ZNF12: variants seen among roughly 807,000 people sequenced by gnomAD.
The protein encoded by ZNF12 is gonadotropin inducible transcription repressor 3.
In ZNF12, 34 loss-of-function variants were observed where a neutral mutation model predicts 66.6. The observed-to-expected ratio is 0.51, with a 90% CI of 0.39 to 0.68. The LOEUF (loss-of-function observed/expected upper bound fraction) is 0.68. Ranked by LOEUF, ZNF12 falls within the 30% of genes least tolerant of loss-of-function variation. The pLI is 0.00. For synonymous variants in ZNF12, 320 were observed against 278.9 expected (o/e 1.15, Z -1.47); for missense variants, 697 against 826.9 (o/e 0.84, Z 1.93).
Position 6,697,468 on chromosome 7 carries a change from A to G in ZNF12, c.143-34T>C. The G allele has an allele frequency of 6.3e-7, 1 of 1,594,770 alleles. No individual in the cohort carries two copies. Among genetic ancestry groups the G allele is most frequent in the Non-Finnish European group, 8.6e-7 (1 of 1,168,244 alleles). Reference sequence around the variant, plus strand: ...GAGAAATGAAAGAGAACTTGAGCCCAGGCCGGTTGGCTTCAGGGTCTCTGT... The same window carrying G: ...GAGAAATGAAAGAGAACTTGAGCCCGGGCCGGTTGGCTTCAGGGTCTCTGT... On this transcript the variant is annotated intron_variant, in intron 3 of 4. Coordinates refer to ENST00000405858, the MANE Select transcript of ZNF12 (RefSeq NM_016265.4). This position sits in a 1 kb window ranked among gnomAD's most constrained non-coding sequence, Gnocchi z 6.1.
intron 2 of ZNF12, among the ~76,000 whole-genome samples, chr7:6,704,725 C>A (rs1039520688): frequency 2.8e-5 from 3 of 107,780 alleles, no homozygotes; most frequent in African/African-American, 1.2e-4. Context: ...GGTGACAGAG[C>A]GCAATACTTG....
chr7:6,703,817 C>T (rs964705179), intron 2 of ZNF12, among the ~76,000 whole-genome samples: 1 of 152,204 alleles, frequency 6.6e-6, no homozygotes, highest in Non-Finnish European at 1.5e-5. Flanking sequence ...AGAGAAAGGG[C>T]ACTCAAACTG....
At position 6,690,756 on chromosome 7, in the gene ZNF12, G is replaced by T; in HGVS notation, c.*92C>A. On this transcript the variant is annotated 3_prime_UTR_variant, in exon 5 of 5. Transcript: ENST00000405858. The stretch of plus-strand genomic sequence containing the variant: ...AGGGGATGTCCACACTAACCTGTGT[G>T]AACTCTCTGATGTACAAGGTGTTTG... 7.7e-7 allele frequency: 1 copy of T among 1,302,252 alleles called. No individual in the cohort carries two copies. The highest frequency in any genetic ancestry group is 1.6e-5 in the South Asian group (1 of 63,926). 80.7% of individuals were successfully genotyped at this position (1,302,252 alleles called of 1,614,324 possible).
chr7:6,700,233 C>T (rs1349500009), intron 2 of ZNF12, among the ~76,000 whole-genome samples: 9 of 149,538 alleles, frequency 6.0e-5, no homozygotes, highest in East Asian at 2.0e-4. Flanking sequence ...TGCAGTGAGC[C>T]GAGATCGAGC....
In ZNF12 at chr7:6,706,920, C is replaced by A; in HGVS notation, c.-539G>T. Reference sequence around the variant, plus strand: ...CCTGGGAACTAGGGCGAGCGGTGACCTGGGGACGCACAGGAAGCGAGGGCA... The same window carrying A: ...CCTGGGAACTAGGGCGAGCGGTGACATGGGGACGCACAGGAAGCGAGGGCA... On this transcript the variant is annotated 5_prime_UTR_variant, in exon 1 of 5. In the 5' UTR this introduces an upstream ATG that the reference lacks. Transcript: ENST00000405858. 2.4e-6 allele frequency: 1 copy of A among 413,524 alleles called. No homozygotes were observed. 25.6% of individuals were successfully genotyped at this position (413,524 alleles called of 1,614,324 possible).
rs1421218218 is a variant in ZNF12, at chr7:6,691,136, C to G, written c.1806G>C (p.Glu602Asp). The G allele has an allele frequency of 1.2e-5, 20 of 1,614,008 alleles. No homozygotes were observed. Among genetic ancestry groups the G allele is most frequent in the Non-Finnish European group, 1.7e-5 (20 of 1,180,000 alleles). ...LNRHQRTHTG[E>D]KAYECYECGK... ...CACATTCATAACATTCGTAGGCTTT[C>G]TCTCCTGTGTGTGTTCTCTGATGTC... is the stretch of plus-strand genomic sequence containing the variant. Residue 602 changes from glutamate (E) to aspartate (D), a missense_variant, in exon 5 of 5, where the codon GAG (glutamate) becomes GAC (aspartate). Coordinates refer to ENST00000405858, the MANE Select transcript of ZNF12 (RefSeq NM_016265.4).
At chr7:6,704,568 TAAAA>T (rs752684046) in intron 2 of ZNF12, among the ~76,000 whole-genome samples, 2 of 84,836 alleles carry the variant, frequency 2.4e-5, no homozygotes, top group Non-Finnish European at 4.5e-5. Context: ...GTCTCTACTT[TAAAA>T]AAAAAAAAAA....
At chr7:6,703,079 C>A (rs1780283557) in intron 2 of ZNF12, among the ~76,000 whole-genome samples, 1 of 151,726 alleles carries the variant, frequency 6.6e-6, no homozygotes, top group Non-Finnish European at 1.5e-5. Flanking sequence ...TACCTGCCTT[C>A]CTGATGCTGC....
chr7:6,697,189 G>T lies in ZNF12; in HGVS notation c.238+150C>A. On this transcript the variant is annotated intron_variant, in intron 4 of 4. Transcript: ENST00000405858. This position sits in a 1 kb window ranked among gnomAD's most constrained non-coding sequence, Gnocchi z 6.1. ...GCTCCATAAACATAAGTTCTTACGG[G>T]GAAGGAAGAAGTCTTTGGGAGTGAG... 1.9e-6 allele frequency: 1 copy of T among 527,412 alleles called. No individual in the cohort carries two copies. The allele number at this position is 527,412 out of a possible 1,614,324, so 32.7% of individuals were successfully genotyped here.
intron 4 of ZNF12, among the ~76,000 whole-genome samples, chr7:6,694,619 T>A (rs1041959344): frequency 4.6e-5 from 7 of 152,214 alleles, no homozygotes; most frequent in Non-Finnish European, 1.0e-4. Context: ...CTATCTCTTA[T>A]CCTTGCCTTA....
rs1448441311 is a variant in ZNF12 at position 6,696,271 on chromosome 7, A to G, written c.238+1068T>C. On this transcript the variant is annotated intron_variant, in intron 4 of 4. Transcript: ENST00000405858. This position sits in a 1 kb window ranked among gnomAD's most constrained non-coding sequence, Gnocchi z 4.0. ...ATCCAGTAATCCAGAGAGATCAGTA[A>G]TATCTGATGAGAATTTCAGTGGTTT... is the stretch of plus-strand genomic sequence containing the variant. Among the ~76,000 whole-genome samples the G allele has an allele frequency of 6.6e-6, 1 of 152,232 alleles. No homozygotes were observed. Among genetic ancestry groups the G allele is most frequent in the African/African-American group, 2.4e-5 (1 of 41,464 alleles).
Position 6,689,580 on chromosome 7 carries a change from C to G in ZNF12, c.*1268G>C, listed in dbSNP as rs946844584. 9.2e-5 allele frequency: 14 copies of G among 152,634 alleles called. No homozygotes were observed. The highest frequency in any genetic ancestry group is 3.4e-4 in the African/African-American group (14 of 41,450). The allele number at this position is 152,634 out of a possible 1,614,324, so 9.5% of individuals were successfully genotyped here. A position where few individuals can be genotyped will look rare whatever the true frequency, so the allele number is the denominator to read the frequency against. ...CTCCGCCAGCAGAGTAAGGGAGTGA[C>G]TAAGAAAGTCACTCGGCAATGTCTG... On this transcript the variant is annotated 3_prime_UTR_variant, in exon 5 of 5. Coordinates refer to ENST00000405858, the MANE Select transcript of ZNF12 (RefSeq NM_016265.4).
rs944778420 is a variant in ZNF12, at chr7:6,690,183, T to C, written c.*665A>G. On this transcript the variant is annotated 3_prime_UTR_variant, in exon 5 of 5. Coordinates refer to ENST00000405858, the MANE Select transcript of ZNF12 (RefSeq NM_016265.4). Reference sequence around the variant, plus strand: ...AAAAGTATACTTTATACCTATCAAATGATATTAATGTAGTGCTGTTTAGAA... The same window carrying C: ...AAAAGTATACTTTATACCTATCAAACGATATTAATGTAGTGCTGTTTAGAA... 6.6e-6 allele frequency: 1 copy of C among 152,200 alleles called. No homozygotes were observed. Among genetic ancestry groups the C allele is most frequent in the African/African-American group, 2.4e-5 (1 of 41,426 alleles). 9.4% of individuals were successfully genotyped at this position (152,200 alleles called of 1,614,324 possible). A position where few individuals can be genotyped will look rare whatever the true frequency, so the allele number is the denominator to read the frequency against.
At position 6,691,623 on chromosome 7, in the gene ZNF12, T is replaced by C. The variant is rs918222175; in HGVS notation, c.1319A>G (p.Asn440Ser). Residue 440 changes from asparagine to serine, a missense_variant, in exon 5 of 5, where the codon AAT becomes AGT. This residue lies in a region of ZNF12 where 401 missense variants were observed against 519.0 expected (regional missense o/e 0.77). Transcript: ENST00000405858. ...THTGEKPYEC[N>S]ECGKFFSRLS... ...CCGAGAGAAGAATTTTCCACACTCA[T>C]TACATTCATACGGTTTCTCTCCTGT... 2 of 1,614,104 alleles carry C rather than the reference T, an allele frequency of 1.2e-6. No homozygotes were observed. Among genetic ancestry groups the C allele is most frequent in the East Asian group, 2.2e-5 (1 of 44,886 alleles).
At position 6,689,320 on chromosome 7, in the gene ZNF12, A is replaced by G. The variant is rs755507218; in HGVS notation, c.*1528T>C. The stretch of plus-strand genomic sequence containing the variant: ...TGCTGAAAGATGGTTACCAGGCACC[A>G]CATCCAGACAAGGTACTGTTCACCA... On this transcript the variant is annotated 3_prime_UTR_variant, in exon 5 of 5. Transcript: ENST00000405858. 6 of 152,250 alleles carry G rather than the reference A, an allele frequency of 3.9e-5. No individual in the cohort carries two copies. The highest frequency in any genetic ancestry group is 7.3e-5 in the Non-Finnish European group (5 of 68,040). The allele number at this position is 152,250 out of a possible 1,614,324, so 9.4% of individuals were successfully genotyped here. A position where few individuals can be genotyped will look rare whatever the true frequency, so the allele number is the denominator to read the frequency against.
chr7:6,701,210 C>A (rs774082960), intron 2 of ZNF12, among the ~76,000 whole-genome samples: 1 of 152,190 alleles, frequency 6.6e-6, no homozygotes, highest in Admixed American at 6.5e-5. Flanking sequence ...TTGACCAGAA[C>A]GACTCCCATG....
chr7:6,690,718 A>G lies in ZNF12; in HGVS notation c.*130T>C, dbSNP rs1188901740. ...CCATTCTGTGAGTCTTCAGATTATG[A>G]GTCCAACACACAAGGGGATGTCCAC... On this transcript the variant is annotated 3_prime_UTR_variant, in exon 5 of 5. Transcript: ENST00000405858. The G allele has an allele frequency of 2.2e-6, 2 of 899,896 alleles. No homozygotes were observed. The highest frequency in any genetic ancestry group is 2.7e-5 in the East Asian group (1 of 37,488). The allele number at this position is 899,896 out of a possible 1,614,324, so 55.7% of individuals were successfully genotyped here.
Position 6,690,923 on chromosome 7 carries a change from T to C in ZNF12, c.2019A>G (p.Lys673=). The change falls in exon 5 of 5, where the codon AAA becomes AAG. Residue 673 remains lysine (K), a synonymous_variant. Transcript: ENST00000405858. ...TTCTCTGATGGCTGTTGAATGCTGA[T>C]TTGTGGTAGAATTTTTTTCCACATT... ...CTECGKKFYH[K]SAFNSHQRIH... The C allele has an allele frequency of 6.2e-7, 1 of 1,614,132 alleles. No homozygotes were observed.
chr7:6,703,883 T>C (rs1230185361), intron 2 of ZNF12, among the ~76,000 whole-genome samples: 1 of 152,238 alleles, frequency 6.6e-6, no homozygotes, highest in Non-Finnish European at 1.5e-5. Context: ...ACTAAGAGCA[T>C]GTGCTGGATT....
Sources: gnomAD v4.1 joint callset for allele counts (sites outside exome capture counted in the v4.1 genomes callset) on GRCh38, gnomAD v4.1.1 for gene constraint, gnomAD v4.1.1 regional missense constraint, Gnocchi (gnomAD v3.1) non-coding constraint, MANE v1.5 for transcripts, NCBI Gene and HGNC (gene_info 2026-07-23, HGNC 2026-07-21) for gene names.